The following OR51A7 variants were observed in gnomAD, a reference collection of about 807,000 sequenced individuals.
The protein encoded by OR51A7 is olfactory receptor 51A7.
For missense variants in OR51A7, 409 were observed against 374.5 expected (o/e 1.09, Z -0.76); for synonymous variants, 143 against 135.5 (o/e 1.05, Z -0.38).
chr11:4,908,311 A>T lies in OR51A7; in HGVS notation c.*3A>T, dbSNP rs1850937970. ...TGCTTAATGTATGTGGGAGATAAGA[A>T]CTTGAACAATTAGGTAATAAATTAT... On this transcript the variant is annotated 3_prime_UTR_variant, in exon 2 of 2. Transcript: ENST00000641490. The T allele has an allele frequency of 6.2e-7, 1 of 1,611,360 alleles. No individual in the cohort carries two copies. Among genetic ancestry groups the T allele is most frequent in the Admixed American group, 1.7e-5 (1 of 59,976 alleles).
At chr11:4,905,177 A>G (rs1022479719) in intron 1 of OR51A7, among the ~76,000 whole-genome samples, 1 of 152,116 alleles carries the variant, frequency 6.6e-6, no homozygotes, top group African/African-American at 2.4e-5. Context: ...ACAGTCCAGC[A>G]AATAACAGGA....
intron 1 of OR51A7, among the ~76,000 whole-genome samples, chr11:4,904,946 G>C (rs1234840710): frequency 6.6e-6 from 1 of 152,224 alleles, no homozygotes. Flanking sequence ...GGTAGTAATG[G>C]AGTTTGGTAG....
In OR51A7 at chr11:4,907,673, T is replaced by C; in HGVS notation, c.304T>C (p.Phe102Leu). 1 of 1,614,100 alleles carries C rather than the reference T, an allele frequency of 6.2e-7. No individual in the cohort carries two copies. The highest frequency in any genetic ancestry group is 8.5e-7 in the Non-Finnish European group (1 of 1,179,980). ...ACCTAATGCCTGCTTTGCTCAAGAA[T>C]TCTTCATTCATGGATTCACTGTCAT... ...ISPNACFAQEFFIHGFTVMES... is the reference protein window; with the variant it reads ...ISPNACFAQELFIHGFTVMES... Residue 102 changes from phenylalanine to leucine, a missense_variant, in exon 2 of 2, where the codon TTC becomes CTC. By Grantham distance (22) the Phe-to-Leu change is conservative (BLOSUM62 0). Coordinates refer to ENST00000641490, the MANE Select transcript of OR51A7 (RefSeq NM_001004749.2).
chr11:4,907,326 T>C lies in OR51A7; in HGVS notation c.-31-13T>C, dbSNP rs1227594657. The C allele has an allele frequency of 7.4e-7, 1 of 1,345,438 alleles. No individual in the cohort carries two copies. Among genetic ancestry groups the C allele is most frequent in the South Asian group, 1.2e-5 (1 of 80,430 alleles). The allele number at this position is 1,345,438 out of a possible 1,614,324, so 83.3% of individuals were successfully genotyped here. ...ACCAAAAGCATGACTGCTTTTCATT[T>C]ATATGGTTTCAGATCCGGCTAACGA... is the stretch of plus-strand genomic sequence containing the variant. On this transcript the variant is annotated splice_polypyrimidine_tract_variant and intron_variant, in intron 1 of 1. Coordinates refer to ENST00000641490, the MANE Select transcript of OR51A7 (RefSeq NM_001004749.2).
intron 1 of OR51A7, among the ~76,000 whole-genome samples, chr11:4,906,751 T>A (rs1031000386): frequency 3.3e-5 from 5 of 152,174 alleles, no homozygotes; most frequent in Non-Finnish European, 7.3e-5. Flanking sequence ...TTTTACTGAT[T>A]CAAAGCAGCT....
Position 4,908,682 on chromosome 11 carries a change from G to A in OR51A7, c.*374G>A, listed in dbSNP as rs1850945254. The A allele has an allele frequency of 1.5e-5, 4 of 273,366 alleles. No homozygotes were observed. The highest frequency in any genetic ancestry group is 4.4e-5 in the African/African-American group (2 of 45,082). 16.9% of individuals were successfully genotyped at this position (273,366 alleles called of 1,614,324 possible). ...GTCTAATCTCATACTGTCAAGGAAA[G>A]GTAAAATAGCTATGAAGGATGCTGA... On this transcript the variant is annotated 3_prime_UTR_variant, in exon 2 of 2. Transcript: ENST00000641490.
rs563044519 is a variant in OR51A7, at chr11:4,907,095, T to TAAAAAAAAAAAAAAGA, written c.-31-230_-31-229insGAAAAAAAAAAAAAAA. 9.1e-5 allele frequency among the ~76,000 whole-genome samples: 5 copies of TAAAAAAAAAAAAAAGA among 55,128 alleles called. 1 individual carries two copies. The South Asian group carries it at 2.3e-3, about 25-fold the overall frequency. 36.2% of individuals were successfully genotyped at this position (55,128 alleles called of 152,430 possible). A position where few individuals can be genotyped will look rare whatever the true frequency, so the allele number is the denominator to read the frequency against. On this transcript the variant is annotated intron_variant, in intron 1 of 1. Transcript: ENST00000641490. Reference sequence around the variant, plus strand: ...TGGGCAACAAGAGCAAAACTCCCTCTAAAAAAAAAAAAAAAAAAAATCCTA... The same window carrying TAAAAAAAAAAAAAAGA: ...TGGGCAACAAGAGCAAAACTCCCTCTAAAAAAAAAAAAAAGAAAAAAAAAAAAAAAAAAAAATCCTA...
chr11:4,907,832 T>C lies in OR51A7; in HGVS notation c.463T>C (p.Leu155=). The change falls in exon 2 of 2, where the codon TTA becomes CTA. Residue 155 remains leucine (L), a synonymous_variant. Coordinates refer to ENST00000641490, the MANE Select transcript of OR51A7 (RefSeq NM_001004749.2). ...GLILAIRSIL[L]VIPFPFTLRR... ...TATTTTAGCCATTAGGAGCATTCTC[T>C]TAGTGATTCCATTTCCCTTCACCTT... 1 of 1,613,816 alleles carries C rather than the reference T, an allele frequency of 6.2e-7. No individual in the cohort carries two copies.
Position 4,907,399 on chromosome 11 carries a change from GC to G in OR51A7, c.31del (p.Leu11PhefsTer4), listed in dbSNP as rs1172004925. ...CTGTTCTCAATAACTCCGAAGTCAA[GC>G]TTTTCCTTCTGATTGGGATCCCAGG... is the stretch of plus-strand genomic sequence containing the variant. MSVLNNSEVK[L>X]FLLIGIPGLE... On this transcript the variant is annotated frameshift_variant, in exon 2 of 2. Transcript: ENST00000641490. LOFTEE classifies it low-confidence loss of function (END_TRUNC). The G allele has an allele frequency of 1.2e-6, 2 of 1,613,506 alleles. No homozygotes were observed. The highest frequency in any genetic ancestry group is 2.2e-5 in the East Asian group (1 of 44,802).
Position 4,905,143 on chromosome 11 carries a change from C to T in OR51A7, c.-32+1299C>T, listed in dbSNP as rs146606347. ...TATTTTATGACTACTGACATGGGAT[C>T]AGAATTGAATTTGCTAAGAAAACAC... On this transcript the variant is annotated intron_variant, in intron 1 of 1. Coordinates refer to ENST00000641490, the MANE Select transcript of OR51A7 (RefSeq NM_001004749.2). 5.8e-4 allele frequency among the ~76,000 whole-genome samples: 88 copies of T among 152,180 alleles called. 3 individuals are homozygous for T. The East Asian group carries it at 0.017, about 29-fold the overall frequency.
Position 4,907,995 on chromosome 11 carries a change from A to G in OR51A7, c.626A>G (p.Asp209Gly). 6.2e-7 allele frequency: 1 copy of G among 1,614,206 alleles called. No homozygotes were observed. The highest frequency in any genetic ancestry group is 8.5e-7 in the Non-Finnish European group (1 of 1,180,038). The change falls in exon 2 of 2, where the codon GAC becomes GGC. Residue 209 changes from aspartate to glycine, a missense_variant. Transcript: ENST00000641490. ...GFFIALCTML[D>G]LALIVLSYVL... is the part of the protein sequence containing the mutation. Reference sequence around the variant, plus strand: ...TTCATTGCTCTCTGTACTATGCTGGACTTGGCACTGATTGTTTTGTCTTAT... The same window carrying G: ...TTCATTGCTCTCTGTACTATGCTGGGCTTGGCACTGATTGTTTTGTCTTAT...
At chr11:4,904,459 C>T (rs1485633080) in intron 1 of OR51A7, among the ~76,000 whole-genome samples, 4 of 152,042 alleles carry the variant, frequency 2.6e-5, no homozygotes, top group African/African-American at 9.7e-5. Context: ...TATATTCTAC[C>T]TCCATATATT....
At position 4,905,716 on chromosome 11, in the gene OR51A7, C is replaced by T. The variant is rs141377156; in HGVS notation, c.-31-1623C>T. The stretch of plus-strand genomic sequence containing the variant: ...ACTAAGGAAGCTTATTAAATATAGG[C>T]GGAATTTATAATGATTGTCTTAGAG... On this transcript the variant is annotated intron_variant, in intron 1 of 1. Transcript: ENST00000641490. Among the ~76,000 whole-genome samples the T allele has an allele frequency of 8.6e-3, 1,302 of 152,026 alleles. 23 individuals are homozygous for T. The highest frequency in any genetic ancestry group is 0.029 in the African/African-American group (1,194 of 41,456).
rs772993841 is a variant in OR51A7, at chr11:4,907,708, A to C, written c.339A>C (p.Ser113=). Residue 113 remains serine, a synonymous_variant, in exon 2 of 2, where the codon TCA becomes TCC. Transcript: ENST00000641490. Reference sequence around the variant, plus strand: ...ATGGATTCACTGTCATGGAATCCTCAGTACTTCTAATTATGTCTTTGGACC... The same window carrying C: ...ATGGATTCACTGTCATGGAATCCTCCGTACTTCTAATTATGTCTTTGGACC... ...FIHGFTVMES[S]VLLIMSLDRF... 30 of 1,613,708 alleles carry C rather than the reference A, an allele frequency of 1.9e-5. No individual in the cohort carries two copies. Among genetic ancestry groups the C allele is most frequent in the Non-Finnish European group, 2.4e-5 (28 of 1,179,796 alleles).
rs1434162931 is a variant in OR51A7, at chr11:4,907,419, T to A, written c.50T>A (p.Ile17Asn). 6.2e-7 allele frequency: 1 copy of A among 1,613,964 alleles called. No homozygotes were observed. Among genetic ancestry groups the A allele is most frequent in the Non-Finnish European group, 8.5e-7 (1 of 1,179,980 alleles). The change falls in exon 2 of 2, where the codon ATC (isoleucine) becomes AAC (asparagine). Residue 17 changes from isoleucine (I) to asparagine (N), a missense_variant. Coordinates refer to ENST00000641490, the MANE Select transcript of OR51A7 (RefSeq NM_001004749.2). ...GTCAAGCTTTTCCTTCTGATTGGGATCCCAGGACTGGAACATGCCCACATT... is the reference window on the plus strand; with the variant it reads ...GTCAAGCTTTTCCTTCTGATTGGGAACCCAGGACTGGAACATGCCCACATT... ...SEVKLFLLIG[I>N]PGLEHAHIWF...
Position 4,908,217 on chromosome 11 carries a change from C to T in OR51A7, c.848C>T (p.Pro283Leu), listed in dbSNP as rs376011053. Residue 283 changes from proline (P) to leucine (L), a missense_variant, in exon 2 of 2, where the codon CCG becomes CTG. Physicochemically the swap from Pro to Leu is moderately conservative, Grantham distance 98 (BLOSUM62 -3). Coordinates refer to ENST00000641490, the MANE Select transcript of OR51A7 (RefSeq NM_001004749.2). Reference protein sequence around the residue: ...ILIADMFLLVPPLMNPIVYCV... With the variant: ...ILIADMFLLVLPLMNPIVYCV... ...ATTGCAGATATGTTCTTGTTGGTGC[C>T]GCCCCTTATGAACCCCATTGTGTAC... The T allele has an allele frequency of 6.1e-5, 98 of 1,613,946 alleles. No individual in the cohort carries two copies. Among genetic ancestry groups the T allele is most frequent in the Non-Finnish European group, 7.6e-5 (90 of 1,180,004 alleles).
Position 4,908,086 on chromosome 11 carries a change from C to T in OR51A7, c.717C>T (p.Thr239=), listed in dbSNP as rs752873592. 1 of 1,614,078 alleles carries T rather than the reference C, an allele frequency of 6.2e-7. No individual in the cohort carries two copies. The highest frequency in any genetic ancestry group is 8.5e-7 in the Non-Finnish European group (1 of 1,179,952). The change falls in exon 2 of 2, where the codon ACC becomes ACT. Residue 239 remains threonine, a synonymous_variant. Coordinates refer to ENST00000641490, the MANE Select transcript of OR51A7 (RefSeq NM_001004749.2). ...SLAERLKALN[T]CVSHICAVLT... ...CAGAGAGGCTTAAGGCCCTAAATACCTGTGTCTCCCACATCTGTGCTGTGC... is the reference window on the plus strand; with the variant it reads ...CAGAGAGGCTTAAGGCCCTAAATACTTGTGTCTCCCACATCTGTGCTGTGC...
rs1850943588 is a variant in OR51A7, at chr11:4,908,570, A to G, written c.*262A>G. On this transcript the variant is annotated 3_prime_UTR_variant, in exon 2 of 2. Coordinates refer to ENST00000641490, the MANE Select transcript of OR51A7 (RefSeq NM_001004749.2). ...TTCTGTGATGGAGCAGCTGGATTTGAGTCAACCCATAAAGAATGAATACAA... is the reference window on the plus strand; with the variant it reads ...TTCTGTGATGGAGCAGCTGGATTTGGGTCAACCCATAAAGAATGAATACAA... 1 of 497,834 alleles carries G rather than the reference A, an allele frequency of 2.0e-6. No homozygotes were observed. Among genetic ancestry groups the G allele is most frequent in the Non-Finnish European group, 3.6e-6 (1 of 274,716 alleles). The allele number at this position is 497,834 out of a possible 1,614,324, so 30.8% of individuals were successfully genotyped here.
At chr11:4,907,101 A>AAAAAAAAAAAAAAAC (rs1850905237) in intron 1 of OR51A7, among the ~76,000 whole-genome samples, 1 of 147,358 alleles carries the variant, frequency 6.8e-6, no homozygotes. Flanking sequence ...CCTCTAAAAA[A>AAAAAAAAAAAAAAAC]AAAAAAAAAA....
Sources: gnomAD v4.1 joint callset for allele counts (sites outside exome capture counted in the v4.1 genomes callset) on GRCh38, gnomAD v4.1.1 for gene constraint, MANE v1.5 for transcripts, NCBI Gene and HGNC (gene_info 2026-07-23, HGNC 2026-07-21) for gene names.